The following VPS50 variants were observed in gnomAD, a reference collection of about 807,000 sequenced individuals.
The protein encoded by VPS50 is VPS50 subunit of EARP/GARPII complex.
In VPS50, 70 loss-of-function variants were observed where a neutral mutation model predicts 139.7. The observed-to-expected ratio is 0.50, with a 90% CI of 0.41 to 0.61. The LOEUF (loss-of-function observed/expected upper bound fraction) is 0.61. Among genes scored for constraint, VPS50 ranks in the 20% least tolerant of loss-of-function variants. The pLI is 0.00. For missense variants in VPS50, 921 were observed against 1,133.7 expected (o/e 0.81, Z 2.69); for synonymous variants, 365 against 376.7 (o/e 0.97, Z 0.36).
intron 12 of VPS50, among the ~76,000 whole-genome samples, chr7:93,289,903 G>A (rs1312360049): frequency 1.3e-5 from 2 of 151,994 alleles, no homozygotes; most frequent in Admixed American, 6.6e-5. Context: ...TCTTGATGAT[G>A]TTGAGACATC....
At chr7:93,325,099 T>G (rs969187851) in intron 21 of VPS50, among the ~76,000 whole-genome samples, 3 of 151,964 alleles carry the variant, frequency 2.0e-5, no homozygotes, top group Non-Finnish European at 4.4e-5. Context: ...AAAACAGAGA[T>G]ATAGATCAAT....
intron 12 of VPS50, among the ~76,000 whole-genome samples, chr7:93,278,045 T>C (rs1166736388): frequency 6.6e-6 from 1 of 152,152 alleles, no homozygotes; most frequent in Non-Finnish European, 1.5e-5. Context: ...AATTAGAGTT[T>C]TGTCTTTTCA....
At chr7:93,238,922 A>G (rs78994117) in intron 1 of VPS50, among the ~76,000 whole-genome samples, 145 of 152,330 alleles carry the variant, frequency 9.5e-4, no homozygotes, top group African/African-American at 3.3e-3. Flanking sequence ...CGGTTGAGGC[A>G]GAGCACTTTG....
Position 93,317,019 on chromosome 7 carries a change from A to G in VPS50, c.1855+5747A>G, listed in dbSNP as rs549290361. On this transcript the variant is annotated intron_variant, in intron 20 of 27. Transcript: ENST00000305866. ...GGAAACCTAGGAAACAGCAGTGGAT[A>G]TGGATACACTGGAAGGGCAAACAGC... Among the ~76,000 whole-genome samples, 5 of 152,306 alleles carry G rather than the reference A, an allele frequency of 3.3e-5. No individual in the cohort carries two copies. The South Asian group carries it at 1.0e-3, about 32-fold the overall frequency.
chr7:93,298,997 G>A lies in VPS50; in HGVS notation c.1361+1754G>A, dbSNP rs929483700. On this transcript the variant is annotated intron_variant, in intron 16 of 27. Transcript: ENST00000305866. Reference sequence around the variant, plus strand: ...AGATTAAAAGGTCTCCATAAGTGTTGCCTAGACATCTTGACCCGTTTTTTT... The same window carrying A: ...AGATTAAAAGGTCTCCATAAGTGTTACCTAGACATCTTGACCCGTTTTTTT... Among the ~76,000 whole-genome samples, 6 of 152,236 alleles carry A rather than the reference G, an allele frequency of 3.9e-5. No individual in the cohort carries two copies. In the East Asian group the frequency reaches 9.6e-4, roughly 24 times the overall value.
intron 1 of VPS50, among the ~76,000 whole-genome samples, chr7:93,237,699 G>C (rs73415342): frequency 4.6e-5 from 7 of 152,218 alleles, no homozygotes; most frequent in African/African-American, 1.2e-4. Context: ...GTTTATGATG[G>C]TTTTATTGAG....
At chr7:93,352,428 A>G (rs543257647) in intron 25 of VPS50, among the ~76,000 whole-genome samples, 1 of 152,338 alleles carries the variant, frequency 6.6e-6, no homozygotes, top group African/African-American at 2.4e-5. Context: ...AAAAATTGTG[A>G]TTTAGGAAGT....
At chr7:93,294,169 C>T (rs1238917796) in intron 13 of VPS50, among the ~76,000 whole-genome samples, 3 of 152,128 alleles carry the variant, frequency 2.0e-5, no homozygotes, top group Non-Finnish European at 2.9e-5. Flanking sequence ...ATCCTCTTAG[C>T]ACGCATATTA....
In VPS50 at chr7:93,259,579, G is replaced by A. The variant is rs1261783370; in HGVS notation, c.606G>A (p.Leu202=). ...AAGATTATCCAGGAGCTATTCAGTT[G>A]TGCCTTGAATGTCAAAAAGCTGCCA... The part of the protein sequence containing the change: ...EEEDYPGAIQ[L]CLECQKAAST... The change falls in exon 9 of 28, where the codon TTG becomes TTA. Residue 202 remains leucine (L), a synonymous_variant. Transcript: ENST00000305866. The A allele has an allele frequency of 2.5e-6, 4 of 1,596,130 alleles. No homozygotes were observed. Among genetic ancestry groups the A allele is most frequent in the East Asian group, 4.5e-5 (2 of 44,622 alleles).
chr7:93,247,346 A>G (rs1327990699), intron 2 of VPS50, among the ~76,000 whole-genome samples: 1 of 151,912 alleles, frequency 6.6e-6, no homozygotes, highest in Non-Finnish European at 1.5e-5. Flanking sequence ...CAGTTGTTGC[A>G]TTTGTCTTTT....
chr7:93,344,996 A>G lies in VPS50; in HGVS notation c.2207+3421A>G, dbSNP rs189849211. ...CTAAAATCAGAGGAGAACTGAAGGA[A>G]ATAGAGACACAAAAAACCCTTCACA... On this transcript the variant is annotated intron_variant, in intron 23 of 27. Coordinates refer to ENST00000305866, the MANE Select transcript of VPS50 (RefSeq NM_017667.4). Among the ~76,000 whole-genome samples, 15 of 152,312 alleles carry G rather than the reference A, an allele frequency of 9.8e-5. No homozygotes were observed. The South Asian group carries it at 2.1e-3, about 21-fold the overall frequency.
intron 1 of VPS50, among the ~76,000 whole-genome samples, chr7:93,236,104 A>G (rs1032443207): frequency 1.3e-5 from 2 of 152,230 alleles, no homozygotes; most frequent in African/African-American, 4.8e-5. Context: ...GATGAAGAGA[A>G]CAACCAAGAA....
intron 22 of VPS50, among the ~76,000 whole-genome samples, chr7:93,335,154 AT>A (rs1180285593): frequency 6.6e-6 from 1 of 152,130 alleles, no homozygotes; most frequent in Non-Finnish European, 1.5e-5. Flanking sequence ...TGGAACTTGT[AT>A]TTTTTTGGAG....
chr7:93,293,994 C>CT (rs1796727588), intron 13 of VPS50, among the ~76,000 whole-genome samples: 1 of 152,142 alleles, frequency 6.6e-6, no homozygotes, highest in South Asian at 2.1e-4. Flanking sequence ...GTGTATGTGT[C>CT]TTTTTCAGTT....
chr7:93,349,411 G>T (rs1055500114), intron 24 of VPS50, among the ~76,000 whole-genome samples: 1 of 152,152 alleles, frequency 6.6e-6, no homozygotes, highest in Non-Finnish European at 1.5e-5. Flanking sequence ...GCTCCTGGAG[G>T]GTTTGAAACA....
intron 13 of VPS50, among the ~76,000 whole-genome samples, chr7:93,292,772 T>C (rs1380839463): frequency 6.6e-6 from 1 of 152,040 alleles, no homozygotes; most frequent in Non-Finnish European, 1.5e-5. Flanking sequence ...CTTGTAAATA[T>C]AGAAAACAAA....
At chr7:93,272,817 A>T in intron 11 of VPS50, 84 bp downstream of exon 11, 1 of 638,464 alleles carries the variant, frequency 1.6e-6, no homozygotes, top group Non-Finnish European at 2.7e-6. Flanking sequence ...TATTAATCTC[A>T]TGTCCTTAAA....
chr7:93,303,601 C>A, intron 17 of VPS50, 51 bp downstream of exon 17: 1 of 784,254 alleles, frequency 1.3e-6, no homozygotes, highest in African/African-American at 1.8e-5. Flanking sequence ...ATGTATTTTA[C>A]CCTTTTTTTT....
intron 10 of VPS50, 122 bp from the exon 11 acceptor site, chr7:93,272,513 G>C (rs917045090): frequency 2.2e-6 from 1 of 445,084 alleles, no homozygotes; most frequent in Non-Finnish European, 4.0e-6. Context: ...TCTAAATCTG[G>C]TATGATAGTA....
Sources: gnomAD v4.1 joint callset for allele counts (sites outside exome capture counted in the v4.1 genomes callset) on GRCh38, gnomAD v4.1.1 for gene constraint, MANE v1.5 for transcripts, NCBI Gene and HGNC (gene_info 2026-07-23, HGNC 2026-07-21) for gene names.